Variants in HRH1 observed in about 807,000 individuals in gnomAD.
HRH1 encodes the protein histamine H1 receptor.
HRH1 carries 6 observed loss-of-function variants against 10.3 expected under a neutral mutation model. The observed-to-expected ratio is 0.58, with a 90% CI of 0.32 to 1.15. HRH1 has a LOEUF of 1.15. Ranked by LOEUF, HRH1 falls within the 50% of genes most tolerant of loss-of-function variation. The probability of loss-of-function intolerance (pLI) is 0.05; values close to 1 mark genes in which losing one functional copy is unlikely to be tolerated. For missense variants in HRH1, 514 were observed against 615.3 expected (o/e 0.84, Z 1.74); for synonymous variants, 242 against 236.7 (o/e 1.02, Z -0.21).
At chr3:11,222,578 G>A (rs1222076793) in intron 1 of HRH1, among the ~76,000 whole-genome samples, 1 of 152,168 alleles carries the variant, frequency 6.6e-6, no homozygotes, top group East Asian at 1.9e-4. Flanking sequence ...AATCAATGGA[G>A]AAAAGCAGGA....
chr3:11,154,170 G>A (rs1035409720), upstream of HRH1, among the ~76,000 whole-genome samples: 1 of 152,128 alleles, frequency 6.6e-6, no homozygotes, highest in African/African-American at 2.4e-5. This position sits in a 1 kb window ranked among gnomAD's most constrained non-coding sequence, Gnocchi z 4.4. Flanking sequence ...TCTCACCAAG[G>A]TTCTGACCCT....
intron 1 of HRH1, among the ~76,000 whole-genome samples, chr3:11,201,005 T>C (rs1239388295): frequency 6.6e-6 from 1 of 152,196 alleles, no homozygotes; most frequent in Non-Finnish European, 1.5e-5. Flanking sequence ...GGGGAATAGA[T>C]CCCTTTGAGG....
At chr3:11,224,748 C>T (rs1938828275) in intron 1 of HRH1, among the ~76,000 whole-genome samples, 1 of 151,696 alleles carries the variant, frequency 6.6e-6, no homozygotes, top group Non-Finnish European at 1.5e-5. Context: ...GCAGCCCTTG[C>T]TTTCAAGCCC....
chr3:11,239,376 T>C (rs745527227), intron 1 of HRH1, among the ~76,000 whole-genome samples: 14 of 152,238 alleles, frequency 9.2e-5, no homozygotes, highest in Admixed American at 2.0e-4. Context: ...CTTCTTATGA[T>C]TGAGTTGGAA....
intron 1 of HRH1, among the ~76,000 whole-genome samples, chr3:11,220,794 T>C (rs540520913): frequency 1.2e-4 from 18 of 152,322 alleles, no homozygotes; most frequent in Non-Finnish European, 2.4e-4. Flanking sequence ...CATTTCTCTG[T>C]TTTATATAAG....
chr3:11,262,799 C>T lies in HRH1; in HGVS notation c.*2298C>T, dbSNP rs199916790. On this transcript the variant is annotated 3_prime_UTR_variant, in exon 2 of 2. Coordinates refer to ENST00000431010, the MANE Select transcript of HRH1 (RefSeq NM_001098212.2). ...AGAAATGGTCAATAAATATAAATTACCAGCGTCTAAGGAACAAGGTCTATG... is the reference window on the plus strand; with the variant it reads ...AGAAATGGTCAATAAATATAAATTATCAGCGTCTAAGGAACAAGGTCTATG... 1 of 167,058 alleles carries T rather than the reference C, an allele frequency of 6.0e-6. No individual in the cohort carries two copies. 10.3% of individuals were successfully genotyped at this position (167,058 alleles called of 1,614,324 possible). A position where few individuals can be genotyped will look rare whatever the true frequency, so the allele number is the denominator to read the frequency against.
chr3:11,157,350 C>T (rs1041839002), intron 1 of HRH1, among the ~76,000 whole-genome samples: 1 of 152,156 alleles, frequency 6.6e-6, no homozygotes, highest in African/African-American at 2.4e-5. Context: ...AAGTAATTCT[C>T]ATTAGCATTC....
chr3:11,247,652 A>G (rs1417624997), intron 1 of HRH1, among the ~76,000 whole-genome samples: 1 of 152,158 alleles, frequency 6.6e-6, no homozygotes, highest in Non-Finnish European at 1.5e-5. Context: ...AGTTGGTCTA[A>G]GAAACAAAGA....
At chr3:11,229,069 T>C (rs971844053) in intron 1 of HRH1, among the ~76,000 whole-genome samples, 1 of 152,164 alleles carries the variant, frequency 6.6e-6, no homozygotes, top group Non-Finnish European at 1.5e-5. Context: ...GTAGAATAAA[T>C]AGAAGTTCAT....
chr3:11,202,007 G>C (rs1420650474), intron 1 of HRH1, among the ~76,000 whole-genome samples: 3 of 152,200 alleles, frequency 2.0e-5, no homozygotes, highest in Non-Finnish European at 4.4e-5. Flanking sequence ...GGAGGTCTTG[G>C]GGTAATTCAG....
At chr3:11,235,094 A>C (rs1939143439) in intron 1 of HRH1, among the ~76,000 whole-genome samples, 1 of 152,032 alleles carries the variant, frequency 6.6e-6, no homozygotes, top group Admixed American at 6.6e-5. Flanking sequence ...ATGTGTCTGT[A>C]GTCCCAGCTA....
intron 1 of HRH1, chr3:11,234,418 TAC>T: frequency 6.2e-7 from 1 of 1,605,074 alleles, no homozygotes; most frequent in Middle Eastern, 1.7e-4. Context: ...GGAACCGGTC[TAC>T]ACAGTCTGAC....
At position 11,165,962 on chromosome 3, in the gene HRH1, A is replaced by G. The variant is rs140777902; in HGVS notation, c.-36+11408A>G. On this transcript the variant is annotated intron_variant, in intron 1 of 1. Coordinates refer to ENST00000431010, the MANE Select transcript of HRH1 (RefSeq NM_001098212.2). ...TATGGGGCTTTGTGCTGAGAACTTT[A>G]TATTTGTCGTTTCGTTTGCTCCCCT... is the stretch of plus-strand genomic sequence containing the variant. Among the ~76,000 whole-genome samples the G allele has an allele frequency of 6.6e-5, 10 of 152,238 alleles. No individual in the cohort carries two copies. In the East Asian group the frequency reaches 1.9e-3, roughly 29 times the overall value.
At chr3:11,148,173 T>C (rs1936500520) in intron 1 of HRH1, among the ~76,000 whole-genome samples, 1 of 139,920 alleles carries the variant, frequency 7.1e-6, no homozygotes, top group Non-Finnish European at 1.5e-5. Flanking sequence ...AGTGAGACTC[T>C]GTCAAACAAA....
chr3:11,157,236 G>A (rs73130405), intron 1 of HRH1, among the ~76,000 whole-genome samples: 17 of 152,086 alleles, frequency 1.1e-4, no homozygotes, highest in Admixed American at 1.1e-3. Context: ...CCATTCGTTC[G>A]ATTTGCCAGT....
At chr3:11,209,080 T>A (rs1938235030) in intron 1 of HRH1, among the ~76,000 whole-genome samples, 1 of 152,152 alleles carries the variant, frequency 6.6e-6, no homozygotes, top group African/African-American at 2.4e-5. Context: ...ACAGAGAGAT[T>A]TGAACATAAT....
intron 1 of HRH1, among the ~76,000 whole-genome samples, chr3:11,208,796 G>A (rs1938225351): frequency 6.6e-6 from 1 of 152,202 alleles, no homozygotes; most frequent in Non-Finnish European, 1.5e-5. Flanking sequence ...AATGACTGCT[G>A]TTTATATTGT....
chr3:11,175,652 C>T (rs766984022), intron 1 of HRH1, among the ~76,000 whole-genome samples: 6 of 152,150 alleles, frequency 3.9e-5, no homozygotes, highest in Non-Finnish European at 7.3e-5. Flanking sequence ...TATTTCACTA[C>T]GTAAGTATTT....
At chr3:11,220,524 T>C (rs1185179055) in intron 1 of HRH1, among the ~76,000 whole-genome samples, 1 of 152,230 alleles carries the variant, frequency 6.6e-6, no homozygotes, top group Non-Finnish European at 1.5e-5. Flanking sequence ...AGAGGCGGTG[T>C]GGAGCTGCAG....
Sources: allele counts gnomAD v4.1 joint callset (sites outside exome capture counted in the v4.1 genomes callset), GRCh38; gene constraint gnomAD v4.1.1; non-coding constraint Gnocchi (gnomAD v3.1); transcripts MANE v1.5; gene names NCBI Gene and HGNC (gene_info 2026-07-23, HGNC 2026-07-21).